Variants in SLC45A1 observed in about 807,000 individuals in gnomAD.
The protein encoded by SLC45A1 is proton-associated sugar transporter A.
In SLC45A1, 28 loss-of-function variants were observed where a neutral mutation model predicts 57.6. That is an observed-to-expected ratio of 0.49 (90% CI 0.36 to 0.67). The LOEUF (loss-of-function observed/expected upper bound fraction) is 0.67. SLC45A1 is among the 30% of genes least tolerant of loss of function. SLC45A1 has a pLI of 0.00. For synonymous variants in SLC45A1, 459 were observed against 471.5 expected (o/e 0.97, Z 0.34); for missense variants, 814 against 1,041.5 (o/e 0.78, Z 3.01).
At chr1:8,333,117 T>C (rs1424122060) in intron 5 of SLC45A1, among the ~76,000 whole-genome samples, 1 of 152,140 alleles carries the variant, frequency 6.6e-6, no homozygotes, top group Non-Finnish European at 1.5e-5. Flanking sequence ...AAATGGGACC[T>C]GGTCCTCAGT....
At position 8,335,085 on chromosome 1, in the gene SLC45A1, C is replaced by A. The variant is rs1569960162; in HGVS notation, c.1444-352C>A. ...GTCTTCTTTTACAAAAAAGAAAGGACTTCCTAGGCGTGTGGATCTGAACTG... is the reference window on the plus strand; with the variant it reads ...GTCTTCTTTTACAAAAAAGAAAGGAATTCCTAGGCGTGTGGATCTGAACTG... On this transcript the variant is annotated intron_variant, in intron 5 of 8. Transcript: ENST00000471889. The surrounding 1 kb of genome is among the most constrained non-coding windows in gnomAD (Gnocchi z 4.1). Among the ~76,000 whole-genome samples, 2 of 152,302 alleles carry A rather than the reference C, an allele frequency of 1.3e-5. No individual in the cohort carries two copies. Among genetic ancestry groups the A allele is most frequent in the Admixed American group, 1.3e-4 (2 of 15,308 alleles).
intron 4 of SLC45A1, among the ~76,000 whole-genome samples, chr1:8,329,661 TGC>T (rs1266979099): frequency 6.6e-6 from 1 of 152,238 alleles, no homozygotes; most frequent in Non-Finnish European, 1.5e-5. Flanking sequence ...ATCCGATCCC[TGC>T]TTTTCTGCTG....
chr1:8,318,246 C>A, intron 1 of SLC45A1, 60 bp downstream of exon 1: 2 of 412,368 alleles, frequency 4.9e-6, no homozygotes, highest in Admixed American at 8.8e-5. Flanking sequence ...GCCGGGGCGC[C>A]GCGCCCTGGG....
chr1:8,323,448 G>GCA (rs1640094341), intron 1 of SLC45A1, among the ~76,000 whole-genome samples: 1 of 145,754 alleles, frequency 6.9e-6, no homozygotes, highest in Non-Finnish European at 1.5e-5. Flanking sequence ...CCAAGATCAA[G>GCA]CCACTGCACT....
chr1:8,318,194 C>G lies in SLC45A1; in HGVS notation c.-25+8C>G, dbSNP rs1639879876. The G allele has an allele frequency of 2.3e-6, 1 of 428,944 alleles. No homozygotes were observed. The highest frequency in any genetic ancestry group is 4.4e-5 in the Admixed American group (1 of 22,758). 26.6% of individuals were successfully genotyped at this position (428,944 alleles called of 1,614,324 possible). A position where few individuals can be genotyped will look rare whatever the true frequency, so the allele number is the denominator to read the frequency against. ...TGCCGTCTCCACCCACAGGTACCAC[C>G]GTCTCCTCCGCGCCCTCCGCCCGCT... On this transcript the variant is annotated splice_region_variant and intron_variant, in intron 1 of 8. Transcript: ENST00000471889.
intron 6 of SLC45A1, 60 bp from the exon 7 acceptor site, chr1:8,337,756 G>A: frequency 3.3e-6 from 5 of 1,499,212 alleles, no homozygotes; most frequent in Non-Finnish European, 4.6e-6. Context: ...ATGTTGGTTA[G>A]AGAAAGGGCA....
chr1:8,331,110 T>A (rs964789625), intron 5 of SLC45A1, among the ~76,000 whole-genome samples, 174 bp downstream of exon 5: 3 of 152,176 alleles, frequency 2.0e-5, no homozygotes, highest in African/African-American at 7.2e-5. Flanking sequence ...GTGCGGTGGC[T>A]CAAGTTTGTA....
chr1:8,326,097 G>T lies in SLC45A1; in HGVS notation c.715+55G>T. ...ATCTGCCGGGCTGCAGGCTTCAGAC[G>T]TGTGGCTTTCGAGGCCCTTCCTCAC... On this transcript the variant is annotated intron_variant, in intron 4 of 8. Coordinates refer to ENST00000471889, the MANE Select transcript of SLC45A1 (RefSeq NM_001080397.3). The surrounding 1 kb of genome is among the most constrained non-coding windows in gnomAD (Gnocchi z 5.5). 3.4e-6 allele frequency: 5 copies of T among 1,461,058 alleles called. No homozygotes were observed. In the East Asian group the frequency reaches 9.1e-5, roughly 27 times the overall value. The allele number at this position is 1,461,058 out of a possible 1,614,324, so 90.5% of individuals were successfully genotyped here.
Position 8,344,048 on chromosome 1 carries a change from A to C in SLC45A1, c.*35A>C, listed in dbSNP as rs1341612985. ...GCCTCGACTCCGGACACGCGCCTGC[A>C]CCTGGGGGTCTGGAGCAGGCCGACC... On this transcript the variant is annotated 3_prime_UTR_variant, in exon 9 of 9. Coordinates refer to ENST00000471889, the MANE Select transcript of SLC45A1 (RefSeq NM_001080397.3). 6.4e-7 allele frequency: 1 copy of C among 1,574,276 alleles called. No homozygotes were observed. Among genetic ancestry groups the C allele is most frequent in the South Asian group, 1.1e-5 (1 of 87,174 alleles).
intron 8 of SLC45A1, among the ~76,000 whole-genome samples, chr1:8,342,516 G>A (rs1475744238): frequency 1.3e-5 from 2 of 152,190 alleles, no homozygotes; most frequent in African/African-American, 2.4e-5. Context: ...CTGTGATGGA[G>A]TCAGGCAGTC....
rs905116739 is a variant in SLC45A1, at chr1:8,325,526, G to A, written c.490+136G>A. 1.5e-6 allele frequency: 1 copy of A among 673,594 alleles called. No homozygotes were observed. Among genetic ancestry groups the A allele is most frequent in the Non-Finnish European group, 2.6e-6 (1 of 388,962 alleles). The allele number at this position is 673,594 out of a possible 1,614,324, so 41.7% of individuals were successfully genotyped here. A position where few individuals can be genotyped will look rare whatever the true frequency, so the allele number is the denominator to read the frequency against. Reference sequence around the variant, plus strand: ...TCTGGGCCCGCACTGGTGTGAGGCAGGGAGTGCCCCGCAACCTGGCCTCAG... The same window carrying A: ...TCTGGGCCCGCACTGGTGTGAGGCAAGGAGTGCCCCGCAACCTGGCCTCAG... On this transcript the variant is annotated intron_variant, in intron 3 of 8. Coordinates refer to ENST00000471889, the MANE Select transcript of SLC45A1 (RefSeq NM_001080397.3). This position sits in a 1 kb window ranked among gnomAD's most constrained non-coding sequence, Gnocchi z 6.3.
chr1:8,324,758 G>T, intron 2 of SLC45A1, 32 bp downstream of exon 2: 1 of 1,526,952 alleles, frequency 6.5e-7, no homozygotes. Context: ...ATGGTGGAGG[G>T]CCTCTGGAAG....
chr1:8,337,169 C>T (rs1483345711), intron 6 of SLC45A1, among the ~76,000 whole-genome samples: 1 of 152,174 alleles, frequency 6.6e-6, no homozygotes, highest in Non-Finnish European at 1.5e-5. Context: ...AAAGGAGGTG[C>T]AAAGGCACAT....
intron 1 of SLC45A1, among the ~76,000 whole-genome samples, chr1:8,323,951 C>A (rs889142353): frequency 6.6e-6 from 1 of 152,186 alleles, no homozygotes; most frequent in South Asian, 2.1e-4. Context: ...GGAAATGGGC[C>A]GCAGGTCCTA....
In SLC45A1 at chr1:8,325,364, G is replaced by A. The variant is rs1467070473; in HGVS notation, c.464G>A (p.Arg155His). The A allele has an allele frequency of 1.9e-6, 3 of 1,612,230 alleles. No individual in the cohort carries two copies. The highest frequency in any genetic ancestry group is 1.1e-5 in the South Asian group (1 of 91,054). The change falls in exon 3 of 9, where the codon CGC becomes CAC. Residue 155 changes from arginine (R) to histidine (H), a missense_variant. By Grantham distance (29) the Arg-to-His change is conservative (BLOSUM62 0). Transcript: ENST00000471889. This position sits in a 1 kb window ranked among gnomAD's most constrained non-coding sequence, Gnocchi z 6.3. ...TGTACCTCAAGGTTTGGAAGGAGAC[G>A]CCCTTTCATTCTTGTCCTGGCTATA... ...DRCTSRFGRRRPFILVLAIGA... is the reference protein window; with the variant it reads ...DRCTSRFGRRHPFILVLAIGA...
chr1:8,341,895 G>A (rs1207899299), intron 8 of SLC45A1, among the ~76,000 whole-genome samples: 2 of 151,808 alleles, frequency 1.3e-5, no homozygotes, highest in Admixed American at 6.6e-5. Context: ...ACTCCAGCCT[G>A]GGTGACAGTG....
chr1:8,330,540 C>T lies in SLC45A1; in HGVS notation c.1047C>T (p.Gly349=), dbSNP rs147028265. 28 of 1,613,348 alleles carry T rather than the reference C, an allele frequency of 1.7e-5. No homozygotes were observed. In the African/African-American group the frequency reaches 3.6e-4, roughly 21 times the overall value. ...SPPSPLTPKY[G]SFISRDSSLT... ...CCAGCCCCCTCACGCCCAAGTACGGCAGCTTCATCAGCAGGGACAGCTCCC... is the reference window on the plus strand; with the variant it reads ...CCAGCCCCCTCACGCCCAAGTACGGTAGCTTCATCAGCAGGGACAGCTCCC... The change falls in exon 5 of 9, where the codon GGC becomes GGT. Residue 349 remains glycine (G), a synonymous_variant. Transcript: ENST00000471889. This position sits in a 1 kb window ranked among gnomAD's most constrained non-coding sequence, Gnocchi z 8.4.
intron 5 of SLC45A1, among the ~76,000 whole-genome samples, chr1:8,331,179 C>T (rs937369165): frequency 3.9e-5 from 6 of 152,130 alleles, no homozygotes; most frequent in Non-Finnish European, 8.8e-5. Flanking sequence ...AGTTTGAAAC[C>T]AGCCTGGGCA....
chr1:8,324,246 G>A (rs929411395), intron 1 of SLC45A1, 60 bp from the exon 2 acceptor site: 1 of 1,454,848 alleles, frequency 6.9e-7, no homozygotes, highest in Admixed American at 1.9e-5. Context: ...GAACTCAAAT[G>A]TTGGGGGAGG....
Sources: allele counts gnomAD v4.1 joint callset (sites outside exome capture counted in the v4.1 genomes callset), GRCh38; gene constraint gnomAD v4.1.1; non-coding constraint Gnocchi (gnomAD v3.1); transcripts MANE v1.5; gene names NCBI Gene and HGNC (gene_info 2026-07-23, HGNC 2026-07-21).